FGF12: variants seen among roughly 807,000 people sequenced by gnomAD.
FGF12 encodes fibroblast growth factor 12B.
A neutral mutation model predicts 23.6 loss-of-function variants in FGF12; 14 were observed. The ratio of observed to expected loss-of-function variants is 0.59; its 90% CI spans 0.39 to 0.93. FGF12 has a LOEUF of 0.93. Among genes scored for constraint, FGF12 ranks in the 40% least tolerant of loss-of-function variants. The pLI is 0.00. For synonymous variants in FGF12, 62 were observed against 77.3 expected (o/e 0.80, Z 1.04); for missense variants, 175 against 217.8 (o/e 0.80, Z 1.24).
intron 2 of FGF12, among the ~76,000 whole-genome samples, chr3:192,669,619 A>AAAAAAAAAAAAAAAAAAAAAAAAC (rs1717035059): frequency 6.6e-6 from 1 of 150,538 alleles, no homozygotes; most frequent in Non-Finnish European, 1.5e-5. Flanking sequence ...AAAAAAAAAA[A>AAAAAAAAAAAAAAAAAAAAAAAAC]AAAAAAAAAA....
chr3:192,492,884 A>G (rs1382643632), intron 2 of FGF12, among the ~76,000 whole-genome samples: 2 of 151,718 alleles, frequency 1.3e-5, no homozygotes, highest in Non-Finnish European at 2.9e-5. Flanking sequence ...GATGGTAGAG[A>G]TAAGAAGTGA....
At chr3:192,319,082 G>A (rs139313118) in intron 4 of FGF12, among the ~76,000 whole-genome samples, 259 of 152,254 alleles carry the variant, frequency 1.7e-3, no homozygotes, top group African/African-American at 6.0e-3. Context: ...CAAAAGCTGA[G>A]GGATTATATC....
intron 2 of FGF12, among the ~76,000 whole-genome samples, chr3:192,490,916 G>C (rs377638718): frequency 3.0e-4 from 45 of 152,250 alleles, no homozygotes; most frequent in African/African-American, 1.0e-3. Context: ...AGAGCTACCA[G>C]GATGCTGGGA....
intron 5 of FGF12, among the ~76,000 whole-genome samples, chr3:192,155,239 G>A: frequency 1.3e-5 from 2 of 152,122 alleles, no homozygotes; most frequent in Non-Finnish European, 2.9e-5. Flanking sequence ...GATGAACCCG[G>A]TACCTCAGAT....
intron 2 of FGF12, among the ~76,000 whole-genome samples, chr3:192,422,689 G>T (rs1037367978): frequency 1.3e-5 from 2 of 152,092 alleles, no homozygotes; most frequent in South Asian, 4.1e-4. Flanking sequence ...TATTAAATGG[G>T]TATTATTGTC....
intron 2 of FGF12, among the ~76,000 whole-genome samples, chr3:192,561,732 C>G (rs1192649582): frequency 6.6e-6 from 1 of 151,952 alleles, no homozygotes; most frequent in Non-Finnish European, 1.5e-5. Flanking sequence ...ATGTTACAAA[C>G]GATTAGAAAA....
intron 2 of FGF12, among the ~76,000 whole-genome samples, chr3:192,686,010 C>T (rs778039104): frequency 2.5e-4 from 38 of 152,116 alleles, no homozygotes; most frequent in East Asian, 7.8e-4. Context: ...CAAAGCGTGG[C>T]GCAATCAGGG....
chr3:192,598,114 T>C (rs1266013906), intron 2 of FGF12, among the ~76,000 whole-genome samples: 2 of 152,206 alleles, frequency 1.3e-5, no homozygotes, highest in Non-Finnish European at 2.9e-5. Context: ...TGATTTGTAG[T>C]AAAATATCAG....
Position 192,158,370 on chromosome 3 carries a change from CTTTCTTTCTTTCTTTTCTT to C in FGF12, c.427+12069_427+12087del, listed in dbSNP as rs1560171434. On this transcript the variant is annotated intron_variant, in intron 5 of 5. Transcript: ENST00000445105. ...TCTTTCTTTCTTTCTTTCTTTCTTTCTTTCTTTCTTTCTTTTCTTTCTCTCTCTTTCTTTTTCTTTCTTT... is the reference window on the plus strand; with the variant it reads ...TCTTTCTTTCTTTCTTTCTTTCTTTCTCTCTCTCTTTCTTTTTCTTTCTTT... Among the ~76,000 whole-genome samples the C allele has an allele frequency of 4.1e-3, 502 of 121,620 alleles. 6 individuals are homozygous for C. Among genetic ancestry groups the C allele is most frequent in the African/African-American group, 0.013 (394 of 31,408 alleles). The allele number at this position is 121,620 out of a possible 152,430, so 79.8% of individuals were successfully genotyped here.
At chr3:192,677,156 T>C (rs539421892) in intron 2 of FGF12, among the ~76,000 whole-genome samples, 2 of 152,266 alleles carry the variant, frequency 1.3e-5, no homozygotes, top group African/African-American at 4.8e-5. Context: ...CCTCAACACA[T>C]ACAATAAAGA....
At chr3:192,189,234 A>G (rs768658880) in intron 4 of FGF12, among the ~76,000 whole-genome samples, 8 of 152,264 alleles carry the variant, frequency 5.3e-5, no homozygotes, top group East Asian at 1.9e-4. Flanking sequence ...TTTACTTCCC[A>G]TACTTGGAGG....
intron 2 of FGF12, among the ~76,000 whole-genome samples, chr3:192,686,882 G>A (rs1717762413): frequency 8.1e-6 from 1 of 122,724 alleles, no homozygotes. Flanking sequence ...AGGCTGGAGT[G>A]CAGTGGTGCC....
intron 4 of FGF12, among the ~76,000 whole-genome samples, chr3:192,231,061 A>T (rs1718993137): frequency 6.6e-6 from 1 of 152,180 alleles, no homozygotes. Flanking sequence ...AAATGTGAAA[A>T]ACTTAAAGTT....
chr3:192,666,998 G>A (rs1716909015), intron 2 of FGF12, among the ~76,000 whole-genome samples: 1 of 151,968 alleles, frequency 6.6e-6, no homozygotes, highest in African/African-American at 2.4e-5. Flanking sequence ...CCCAAAACAA[G>A]TTTATTATGT....
chr3:192,509,847 G>C (rs1024926285), intron 2 of FGF12, among the ~76,000 whole-genome samples: 4 of 152,038 alleles, frequency 2.6e-5, no homozygotes, highest in African/African-American at 9.7e-5. Flanking sequence ...CTGAAAACAG[G>C]CTTCAACATA....
chr3:192,529,322 C>T (rs1725029744), intron 2 of FGF12, among the ~76,000 whole-genome samples: 1 of 152,190 alleles, frequency 6.6e-6, no homozygotes, highest in South Asian at 2.1e-4. Flanking sequence ...TAACAAGAGA[C>T]CTTTGCTCCA....
intron 5 of FGF12, among the ~76,000 whole-genome samples, chr3:192,158,391 CTCTCT>C (rs1714615764): frequency 2.6e-5 from 2 of 77,050 alleles, no homozygotes; most frequent in Admixed American, 1.3e-4. Context: ...TCTTTTCTTT[CTCTCT>C]CTTTCTTTTT....
chr3:192,262,354 C>T (rs540626670), intron 4 of FGF12, among the ~76,000 whole-genome samples: 5 of 152,034 alleles, frequency 3.3e-5, no homozygotes, highest in Admixed American at 2.0e-4. Context: ...ATGTTGTCTC[C>T]ATTGCATGTT....
chr3:192,187,183 GC>G (rs1293331907), intron 4 of FGF12, among the ~76,000 whole-genome samples: 1 of 152,166 alleles, frequency 6.6e-6, no homozygotes, highest in Non-Finnish European at 1.5e-5. Flanking sequence ...ATTTTGAAAA[GC>G]TGTATTTAAA....
Sources: gnomAD v4.1 joint callset for allele counts (sites outside exome capture counted in the v4.1 genomes callset) on GRCh38, gnomAD v4.1.1 for gene constraint, MANE v1.5 for transcripts, NCBI Gene and HGNC (gene_info 2026-07-23, HGNC 2026-07-21) for gene names.